CCDC171: variants seen among roughly 807,000 people sequenced by gnomAD.
CCDC171 encodes the protein coiled-coil domain containing 171.
A neutral mutation model predicts 168.2 loss-of-function variants in CCDC171; 177 were observed. That is an observed-to-expected ratio of 1.05 (90% CI 0.93 to 1.19). The LOEUF is 1.19. Ranked by LOEUF, CCDC171 falls within the 50% of genes most tolerant of loss-of-function variation. The pLI is 0.00. For synonymous variants in CCDC171, 687 were observed against 540.8 expected (o/e 1.27, Z -3.75); for missense variants, 1,991 against 1,539.0 (o/e 1.29, Z -4.91).
chr9:16,021,510 G>A (rs986050050), intron 4 of CCDC171, among the ~76,000 whole-genome samples: 9 of 152,198 alleles, frequency 5.9e-5, no homozygotes, highest in Non-Finnish European at 2.9e-5. Flanking sequence ...GTAACTAAAG[G>A]CAGGGATTTG....
chr9:15,592,659 G>A (rs1587232174), intron 5 of CCDC171, among the ~76,000 whole-genome samples: 1 of 152,060 alleles, frequency 6.6e-6, no homozygotes, highest in East Asian at 1.9e-4. Context: ...GGAGGTTTCG[G>A]TGGTAACTGA....
chr9:15,994,493 G>C (rs1420844713), intron 3 of CCDC171, among the ~76,000 whole-genome samples: 1 of 152,164 alleles, frequency 6.6e-6, no homozygotes, highest in East Asian at 1.9e-4. Flanking sequence ...TAAATGACGA[G>C]TTAATGGGTG....
At chr9:15,876,819 T>A (rs1295175328) in intron 24 of CCDC171, among the ~76,000 whole-genome samples, 1 of 152,092 alleles carries the variant, frequency 6.6e-6, no homozygotes, top group African/African-American at 2.4e-5. Flanking sequence ...TTGTTTAACT[T>A]TGTACTCTGA....
intron 18 of CCDC171, among the ~76,000 whole-genome samples, chr9:15,758,292 G>A (rs1373301738): frequency 6.6e-6 from 1 of 152,232 alleles, no homozygotes; most frequent in African/African-American, 2.4e-5. Flanking sequence ...GAGACCTGGA[G>A]TCAAAGGAGA....
intron 21 of CCDC171, among the ~76,000 whole-genome samples, chr9:15,844,281 A>G (rs972478448): frequency 1.5e-4 from 23 of 152,002 alleles, no homozygotes; most frequent in Non-Finnish European, 2.9e-4. Flanking sequence ...TATATGTGAT[A>G]TATGGATATA....
At chr9:15,651,444 CT>C (rs2047516011) in intron 7 of CCDC171, among the ~76,000 whole-genome samples, 4 of 151,034 alleles carry the variant, frequency 2.6e-5, no homozygotes, top group African/African-American at 9.8e-5. Context: ...TGAGATCTCA[CT>C]TTTTTATAGA....
chr9:16,060,243 A>G (rs1005665090), intron 1 of CCDC171, among the ~76,000 whole-genome samples: 1 of 152,112 alleles, frequency 6.6e-6, no homozygotes, highest in Non-Finnish European at 1.5e-5. Flanking sequence ...GGGGAAAGGG[A>G]TAGGGAGAGA....
At chr9:15,774,564 A>G (rs2057203488) in intron 18 of CCDC171, among the ~76,000 whole-genome samples, 1 of 152,236 alleles carries the variant, frequency 6.6e-6, no homozygotes, top group Non-Finnish European at 1.5e-5. Flanking sequence ...TTAAAGAACT[A>G]AAAGTAAATC....
chr9:15,710,624 G>C (rs929743731), intron 11 of CCDC171, among the ~76,000 whole-genome samples: 2 of 151,508 alleles, frequency 1.3e-5, no homozygotes, highest in Non-Finnish European at 1.5e-5. Flanking sequence ...TTGAGATGGA[G>C]TCTCACTCTT....
intron 1 of CCDC171, among the ~76,000 whole-genome samples, chr9:15,556,162 A>G (rs1413376282): frequency 6.6e-6 from 1 of 152,182 alleles, no homozygotes; most frequent in African/African-American, 2.4e-5. Context: ...ATGTGTCTTT[A>G]TAGCAGCATG....
chr9:15,847,539 A>G (rs946654164), intron 22 of CCDC171, among the ~76,000 whole-genome samples: 6 of 152,076 alleles, frequency 3.9e-5, no homozygotes, highest in African/African-American at 1.4e-4. Flanking sequence ...ATCAAATTTC[A>G]TGGAATACTT....
chr9:15,599,863 C>G (rs546313689), intron 6 of CCDC171, among the ~76,000 whole-genome samples: 6 of 152,194 alleles, frequency 3.9e-5, no homozygotes, highest in Non-Finnish European at 4.4e-5. Context: ...ACTCTTTTTT[C>G]TCTAAACTTC....
At chr9:15,846,382 A>AT (rs932982520) in intron 21 of CCDC171, among the ~76,000 whole-genome samples, 1 of 152,002 alleles carries the variant, frequency 6.6e-6, no homozygotes, top group East Asian at 1.9e-4. Flanking sequence ...TGAAATCTTT[A>AT]TTTTTTCATC....
At chr9:15,571,813 AT>A in intron 3 of CCDC171, 54 bp downstream of exon 3, 3 of 1,476,522 alleles carry the variant, frequency 2.0e-6, no homozygotes, top group Non-Finnish European at 1.8e-6. Context: ...GATTTTTTAG[AT>A]TTATTTCATA....
At chr9:15,976,712 A>G (rs1831629108), downstream of CCDC171, among the ~76,000 whole-genome samples, 1 of 151,708 alleles carries the variant, frequency 6.6e-6, no homozygotes. Flanking sequence ...ATGCCAGAGC[A>G]TTTCCTGGTC....
intron 16 of CCDC171, among the ~76,000 whole-genome samples, chr9:15,734,814 G>A (rs1419264874): frequency 2.6e-5 from 4 of 152,040 alleles, no homozygotes; most frequent in African/African-American, 9.7e-5. Context: ...CAAAAATTAT[G>A]TTGATAAGGA....
intron 3 of CCDC171, among the ~76,000 whole-genome samples, chr9:15,999,164 T>C (rs963807542): frequency 6.0e-5 from 9 of 149,816 alleles, no homozygotes; most frequent in African/African-American, 2.2e-4. Flanking sequence ...TGAGCTATGA[T>C]TGCATCACTG....
chr9:15,684,936 T>C (rs368302681), intron 10 of CCDC171, among the ~76,000 whole-genome samples: 135 of 152,336 alleles, frequency 8.9e-4, no homozygotes, highest in African/African-American at 2.9e-3. Flanking sequence ...CCGTGGGTCA[T>C]GTTGGGTGAT....
chr9:15,989,660 A>G (rs958026353), intron 3 of CCDC171, among the ~76,000 whole-genome samples: 8 of 152,132 alleles, frequency 5.3e-5, no homozygotes, highest in African/African-American at 1.9e-4. Context: ...ACCCATCTCA[A>G]AGAAGCTAAA....
Sources: gnomAD v4.1 joint callset for allele counts (sites outside exome capture counted in the v4.1 genomes callset) on GRCh38, gnomAD v4.1.1 for gene constraint, MANE v1.5 for transcripts, NCBI Gene and HGNC (gene_info 2026-07-23, HGNC 2026-07-21) for gene names.